Variants in PPP2R2B observed in about 807,000 individuals in gnomAD.
PPP2R2B encodes serine/threonine-protein phosphatase 2A 55 kDa regulatory subunit B beta isoform.
A neutral mutation model predicts 46.0 loss-of-function variants in PPP2R2B; 5 were observed. The ratio of observed to expected loss-of-function variants is 0.11; its 90% CI spans 0.06 to 0.23. The LOEUF (loss-of-function observed/expected upper bound fraction) is 0.23. Ranked by LOEUF, PPP2R2B falls within the 10% of genes least tolerant of loss-of-function variation. PPP2R2B has a pLI of 1.00. For missense variants in PPP2R2B, 367 were observed against 575.0 expected, an observed-to-expected ratio of 0.64 and a Z score of 3.70; for synonymous variants, 215 against 206.7, an observed-to-expected ratio of 1.04 and a Z score of -0.34.
chr5:147,048,540 G>A (rs187624797), intron 1 of PPP2R2B, among the ~76,000 whole-genome samples: 69 of 152,262 alleles, frequency 4.5e-4, no homozygotes, highest in Middle Eastern at 3.4e-3. Flanking sequence ...CTTAGTTATT[G>A]CTGTGGTGAA....
At chr5:146,706,939 C>G in intron 2 of PPP2R2B, 1 of 1,113,082 alleles carries the variant, frequency 9.0e-7, no homozygotes, top group Non-Finnish European at 1.4e-6. Context: ...CTTCATACAG[C>G]TGCCTGAGGA....
rs1246046697 is a variant in PPP2R2B, at chr5:146,588,776, T to TAGAAG, written c.*1166_*1170dup. The stretch of plus-strand genomic sequence containing the variant: ...TTGATTTCCCCACAGTTCATTTCTG[T>TAGAAG]AGAAGAGAGCCTTCTGGTCTGTTTT... On this transcript the variant is annotated 3_prime_UTR_variant, in exon 10 of 10. Coordinates refer to ENST00000394411, the MANE Select transcript of PPP2R2B (RefSeq NM_181675.4). 1.3e-5 allele frequency: 2 copies of TAGAAG among 152,198 alleles called. No individual in the cohort carries two copies. The highest frequency in any genetic ancestry group is 4.8e-5 in the African/African-American group (2 of 41,446). The allele number at this position is 152,198 out of a possible 1,614,324, so 9.4% of individuals were successfully genotyped here. A position where few individuals can be genotyped will look rare whatever the true frequency, so the allele number is the denominator to read the frequency against.
At chr5:146,801,202 G>C (rs1756846152) in intron 2 of PPP2R2B, among the ~76,000 whole-genome samples, 2 of 152,060 alleles carry the variant, frequency 1.3e-5, no homozygotes, top group Non-Finnish European at 2.9e-5. Flanking sequence ...GTTGGTTAAG[G>C]GGTACAAAGC....
At chr5:146,615,681 T>C (rs1401625133) in intron 7 of PPP2R2B, among the ~76,000 whole-genome samples, 1 of 151,958 alleles carries the variant, frequency 6.6e-6, no homozygotes, top group Non-Finnish European at 1.5e-5. Context: ...TTAACTTACT[T>C]ACCCAGAGAA....
At position 146,910,650 on chromosome 5, in the gene PPP2R2B, C is replaced by T. The variant is rs541676390; in HGVS notation, c.79+145015G>A. 7.2e-5 allele frequency among the ~76,000 whole-genome samples: 11 copies of T among 152,254 alleles called. No individual in the cohort carries two copies. The South Asian group carries it at 2.1e-3, about 29-fold the overall frequency. ...TAAGCACTTAGAATATTGCCTGGTACATAGTAAGCACTTAATAAATGCTCC... is the reference window on the plus strand; with the variant it reads ...TAAGCACTTAGAATATTGCCTGGTATATAGTAAGCACTTAATAAATGCTCC... On this transcript the variant is annotated intron_variant, in intron 1 of 8. Coordinates refer to the PPP2R2B transcript ENST00000336640.
At chr5:147,005,208 T>C (rs1488412151) in intron 1 of PPP2R2B, among the ~76,000 whole-genome samples, 1 of 152,114 alleles carries the variant, frequency 6.6e-6, no homozygotes, top group Non-Finnish European at 1.5e-5. Context: ...CTCTTAGAAG[T>C]CCCCTTGGCT....
At chr5:147,003,947 G>C (rs1347951896) in intron 1 of PPP2R2B, among the ~76,000 whole-genome samples, 1 of 152,094 alleles carries the variant, frequency 6.6e-6, no homozygotes, top group Non-Finnish European at 1.5e-5. Flanking sequence ...ACAGATATCA[G>C]GAGAAAGCTC....
chr5:146,591,751 T>C (rs1770686524), intron 9 of PPP2R2B, among the ~76,000 whole-genome samples: 1 of 150,784 alleles, frequency 6.6e-6, no homozygotes. Flanking sequence ...ATAGAAAGAG[T>C]GTTGATCTTA....
chr5:146,835,264 T>C (rs985787107), intron 2 of PPP2R2B, among the ~76,000 whole-genome samples: 3 of 147,986 alleles, frequency 2.0e-5, no homozygotes, highest in Admixed American at 6.9e-5. Flanking sequence ...TTTTCACTTA[T>C]ATTTTGAGGG....
intron 7 of PPP2R2B, among the ~76,000 whole-genome samples, chr5:146,620,731 G>A (rs1013169001): frequency 6.6e-5 from 10 of 152,040 alleles, no homozygotes; most frequent in South Asian, 4.2e-4. Flanking sequence ...CCTTTCTCAC[G>A]TCTCTCCCCC....
At chr5:146,807,643 A>G (rs1757254744) in intron 2 of PPP2R2B, among the ~76,000 whole-genome samples, 1 of 152,056 alleles carries the variant, frequency 6.6e-6, no homozygotes, top group African/African-American at 2.4e-5. Context: ...TGGAGATGTA[A>G]CTTGCCCAAA....
intron 2 of PPP2R2B, among the ~76,000 whole-genome samples, chr5:146,833,333 G>C (rs1452184030): frequency 6.6e-6 from 1 of 152,054 alleles, no homozygotes; most frequent in Non-Finnish European, 1.5e-5. Context: ...CCTTCTCATG[G>C]AAGGTTTACT....
chr5:146,586,836 C>T lies in PPP2R2B; in HGVS notation c.*3111G>A, dbSNP rs555741660. 6.6e-6 allele frequency: 1 copy of T among 152,196 alleles called. No individual in the cohort carries two copies. Among genetic ancestry groups the T allele is most frequent in the South Asian group, 2.1e-4 (1 of 4,720 alleles). The allele number at this position is 152,196 out of a possible 1,614,324, so 9.4% of individuals were successfully genotyped here. On this transcript the variant is annotated 3_prime_UTR_variant, in exon 10 of 10. Transcript: ENST00000394411. ...CCCACTTCTTGATGCTGGCTAGTAT[C>T]TTCCTTTTTTGTTTTTTCTAACTAA...
intron 2 of PPP2R2B, among the ~76,000 whole-genome samples, chr5:146,781,054 G>A (rs561404980): frequency 2.1e-5 from 3 of 145,338 alleles, no homozygotes; most frequent in African/African-American, 7.5e-5. Flanking sequence ...ACTATTGACA[G>A]AGCATTTATT....
intron 1 of PPP2R2B, among the ~76,000 whole-genome samples, chr5:147,006,114 C>T (rs1043667750): frequency 6.6e-6 from 1 of 152,178 alleles, no homozygotes; most frequent in Non-Finnish European, 1.5e-5. Flanking sequence ...GAGGAACTCC[C>T]TTCAGGATAG....
chr5:147,047,481 A>C, intron 1 of PPP2R2B, among the ~76,000 whole-genome samples: 1 of 152,146 alleles, frequency 6.6e-6, no homozygotes, highest in Non-Finnish European at 1.5e-5. Context: ...ACACAGGCCA[A>C]GAATTGATTT....
intron 1 of PPP2R2B, among the ~76,000 whole-genome samples, chr5:146,969,878 G>A (rs573540758): frequency 9.2e-5 from 14 of 152,310 alleles, no homozygotes; most frequent in South Asian, 4.1e-4. Context: ...TACATTTATC[G>A]CAGTGAATGT....
At chr5:146,764,652 C>A (rs1023893416) in intron 2 of PPP2R2B, among the ~76,000 whole-genome samples, 6 of 152,174 alleles carry the variant, frequency 3.9e-5, no homozygotes, top group African/African-American at 1.2e-4. Flanking sequence ...CATTATACAT[C>A]TCCATTCAGT....
intron 6 of PPP2R2B, among the ~76,000 whole-genome samples, chr5:146,641,201 C>G (rs959551279): frequency 2.0e-5 from 3 of 152,168 alleles, no homozygotes; most frequent in African/African-American, 7.2e-5. Flanking sequence ...GTCCATTTTA[C>G]AGCCGAGGGA....
Sources: gnomAD v4.1 joint callset for allele counts (sites outside exome capture counted in the v4.1 genomes callset) on GRCh38, gnomAD v4.1.1 for gene constraint, MANE v1.5 for transcripts, NCBI Gene and HGNC (gene_info 2026-07-23, HGNC 2026-07-21) for gene names.